The following MED13L variants were observed in gnomAD, a reference collection of about 807,000 sequenced individuals.
MED13L encodes mediator complex subunit 13L, also known as mediator of RNA polymerase II transcription subunit 13-like.
In MED13L, 7 loss-of-function variants were observed where a neutral mutation model predicts 220.9. The ratio of observed to expected loss-of-function variants is 0.03; its 90% CI spans 0.02 to 0.06. MED13L has a LOEUF of 0.06. MED13L is among the 10% of genes least tolerant of loss of function. MED13L has a pLI of 1.00. For synonymous variants in MED13L, 1,011 were observed against 1,015.2 expected (o/e 1.00, Z 0.08); for missense variants, 1,965 against 2,760.5 (o/e 0.71, Z 6.46).
At chr12:116,177,767 T>C (rs1880179327) in intron 2 of MED13L, among the ~76,000 whole-genome samples, 1 of 152,188 alleles carries the variant, frequency 6.6e-6, no homozygotes, top group Admixed American at 6.5e-5. Context: ...TTCACTGTCA[T>C]ACTCAGAAAA....
chr12:116,028,467 CAA>C (rs1296731175), intron 4 of MED13L, among the ~76,000 whole-genome samples: 2 of 152,150 alleles, frequency 1.3e-5, no homozygotes, highest in South Asian at 4.2e-4. Context: ...AGATTGAGCC[CAA>C]AGTTACACAG....
intron 3 of MED13L, among the ~76,000 whole-genome samples, chr12:116,110,494 A>G (rs549970501): frequency 6.6e-6 from 1 of 152,306 alleles, no homozygotes; most frequent in South Asian, 2.1e-4. Context: ...TACAACCATA[A>G]TGGTAATAAA....
At chr12:116,134,034 C>T (rs1007883492) in intron 2 of MED13L, among the ~76,000 whole-genome samples, 3 of 152,166 alleles carry the variant, frequency 2.0e-5, no homozygotes, top group East Asian at 1.9e-4. Context: ...GGAGCAAAAA[C>T]TACTGGTCCC....
At chr12:115,988,001 G>A (rs1342218807) in intron 17 of MED13L, among the ~76,000 whole-genome samples, 1 of 152,140 alleles carries the variant, frequency 6.6e-6, no homozygotes, top group Non-Finnish European at 1.5e-5. Context: ...TTTTTCTCAG[G>A]ATGGAGGGTT....
At chr12:116,107,190 C>A (rs1873663406) in intron 3 of MED13L, among the ~76,000 whole-genome samples, 1 of 152,142 alleles carries the variant, frequency 6.6e-6, no homozygotes, top group African/African-American at 2.4e-5. Context: ...AAACACGTAC[C>A]CCCAAAAAGA....
rs553127794 is a variant in MED13L at position 116,027,172 on chromosome 12, T to C, written c.480-4571A>G. Among the ~76,000 whole-genome samples the C allele has an allele frequency of 7.9e-5, 12 of 152,224 alleles. No individual in the cohort carries two copies. The East Asian group carries it at 2.1e-3, about 27-fold the overall frequency. ...GCAAGGTGGCTCACGCCTGTAATCC[T>C]AGCACTTTGGGAGGCAGAGTTGGGC... On this transcript the variant is annotated intron_variant, in intron 4 of 30. Coordinates refer to ENST00000281928, the MANE Select transcript of MED13L (RefSeq NM_015335.5).
At chr12:115,973,617 G>C (rs1876735494) in intron 25 of MED13L, among the ~76,000 whole-genome samples, 1 of 152,032 alleles carries the variant, frequency 6.6e-6, no homozygotes, top group African/African-American at 2.4e-5. Context: ...TCCTATTATA[G>C]TCTAACTTTC....
intron 1 of MED13L, among the ~76,000 whole-genome samples, chr12:116,260,661 C>T (rs966269114): frequency 3.3e-5 from 5 of 152,024 alleles, no homozygotes; most frequent in African/African-American, 1.2e-4. Context: ...CAATAAGTAC[C>T]AATGATAAAC....
At chr12:116,124,142 G>GACAGAGAC (rs1875353293) in intron 2 of MED13L, among the ~76,000 whole-genome samples, 1 of 115,652 alleles carries the variant, frequency 8.6e-6, no homozygotes. Flanking sequence ...GAGAGAGAGA[G>GACAGAGAC]AGAGAGAGAC....
intron 2 of MED13L, among the ~76,000 whole-genome samples, chr12:116,148,074 A>AAAAAAAAGGG (rs1377801971): frequency 1.0e-5 from 1 of 98,308 alleles, no homozygotes. Context: ...AAAAAAAAAA[A>AAAAAAAAGGG]GAGGGGGGCG....
At chr12:115,990,457 G>C (rs979288577) in intron 17 of MED13L, among the ~76,000 whole-genome samples, 1 of 152,176 alleles carries the variant, frequency 6.6e-6, no homozygotes, top group African/African-American at 2.4e-5. Context: ...GAATGAGTAA[G>C]AAAAGGAAAC....
intron 2 of MED13L, among the ~76,000 whole-genome samples, chr12:116,210,811 A>G (rs1882652104): frequency 6.6e-6 from 1 of 151,958 alleles, no homozygotes; most frequent in Non-Finnish European, 1.5e-5. Context: ...TGTAAGTAGT[A>G]AACTGGTATG....
intron 2 of MED13L, among the ~76,000 whole-genome samples, chr12:116,112,055 C>T (rs917542913): frequency 6.6e-6 from 1 of 152,036 alleles, no homozygotes; most frequent in Non-Finnish European, 1.5e-5. Context: ...AATTTATTTC[C>T]TGAATTTATA....
intron 4 of MED13L, among the ~76,000 whole-genome samples, chr12:116,041,521 C>T (rs1474711163): frequency 6.6e-6 from 1 of 152,132 alleles, no homozygotes; most frequent in East Asian, 1.9e-4. Flanking sequence ...ATTCTGAATA[C>T]CATAGTTGAA....
Position 115,996,463 on chromosome 12 carries a change from TC to T in MED13L, c.2996+12del. On this transcript the variant is annotated intron_variant, in intron 16 of 30. Coordinates refer to ENST00000281928, the MANE Select transcript of MED13L (RefSeq NM_015335.5). ...CAAATATGGCAAGTAAATGACACAA[TC>T]CCTATACATACTTGTAGCCATCTCT... The T allele has an allele frequency of 6.2e-7, 1 of 1,604,766 alleles. No individual in the cohort carries two copies. Among genetic ancestry groups the T allele is most frequent in the Non-Finnish European group, 8.5e-7 (1 of 1,171,486 alleles).
At chr12:116,026,998 A>G (rs1182059029) in intron 4 of MED13L, among the ~76,000 whole-genome samples, 4 of 152,186 alleles carry the variant, frequency 2.6e-5, no homozygotes, top group African/African-American at 7.2e-5. Context: ...AAAAAGGAAA[A>G]AGGTACAAAA....
At chr12:115,998,150 C>T (rs1016475331) in intron 14 of MED13L, among the ~76,000 whole-genome samples, 15 of 152,158 alleles carry the variant, frequency 9.9e-5, no homozygotes, top group Non-Finnish European at 1.3e-4. Flanking sequence ...TCCTTTAATA[C>T]ACCTGTAGTA....
At chr12:116,182,039 G>A (rs1051618934) in intron 2 of MED13L, among the ~76,000 whole-genome samples, 1 of 152,076 alleles carries the variant, frequency 6.6e-6, no homozygotes, top group Non-Finnish European at 1.5e-5. Flanking sequence ...AAACTCCACA[G>A]GTCCAACCAC....
At chr12:116,194,596 T>G (rs539673372) in intron 2 of MED13L, among the ~76,000 whole-genome samples, 31 of 152,296 alleles carry the variant, frequency 2.0e-4, no homozygotes, top group African/African-American at 7.2e-4. Context: ...CACGAAAATA[T>G]TAAGCCCACA....
Sources: allele counts gnomAD v4.1 joint callset (sites outside exome capture counted in the v4.1 genomes callset), GRCh38; gene constraint gnomAD v4.1.1; transcripts MANE v1.5; gene names NCBI Gene and HGNC (gene_info 2026-07-23, HGNC 2026-07-21).